TRIM9: variants seen among roughly 807,000 people sequenced by gnomAD.
TRIM9 encodes the protein tripartite motif containing 9, also known as E3 ubiquitin-protein ligase TRIM9.
In TRIM9, 26 loss-of-function variants were observed where a neutral mutation model predicts 78.3. That is an observed-to-expected ratio of 0.33 (90% confidence interval 0.24 to 0.46). The LOEUF (loss-of-function observed/expected upper bound fraction) is 0.46. Ranked by LOEUF, TRIM9 falls within the 20% of genes least tolerant of loss-of-function variation. The probability of loss-of-function intolerance (pLI) is 1.00; values close to 1 mark genes in which losing one functional copy is unlikely to be tolerated. For missense variants in TRIM9, 787 were observed against 1,036.4 expected (o/e 0.76, Z 3.30); for synonymous variants, 398 against 416.5 (o/e 0.96, Z 0.54).
chr14:51,019,349 G>C (rs1442275139), intron 3 of TRIM9, among the ~76,000 whole-genome samples: 5 of 152,198 alleles, frequency 3.3e-5, no homozygotes, highest in Non-Finnish European at 5.9e-5. Context: ...TCTGAAAATA[G>C]ATATTTGGCT....
Position 51,094,199 on chromosome 14 carries a change from G to A in TRIM9, c.741C>T (p.Pro247=), listed in dbSNP as rs189277840. The change falls in exon 1 of 13, where the codon CCC becomes CCT. Residue 247 remains proline, a synonymous_variant. Coordinates refer to ENST00000684578, the MANE Select transcript of TRIM9 (RefSeq NM_001387360.1). ...HSMYCVQCKM[P]VCYQCLEEGK... is the part of the protein sequence containing the mutation. ...CCTCCTCCAAGCACTGGTAGCACAC[G>A]GGCATCTTGCATTGCACGCAGTACA... is the stretch of plus-strand genomic sequence containing the variant. 20 of 1,614,234 alleles carry A rather than the reference G, an allele frequency of 1.2e-5. No individual in the cohort carries two copies. The highest frequency in any genetic ancestry group is 9.3e-5 in the African/African-American group (7 of 75,068).
chr14:51,002,373 A>G (rs1428730707), intron 5 of TRIM9, among the ~76,000 whole-genome samples: 1 of 151,630 alleles, frequency 6.6e-6, no homozygotes, highest in Admixed American at 6.6e-5. Flanking sequence ...TGACCTCATG[A>G]TCCACCTGCC....
chr14:51,066,892 T>A (rs2061790737), intron 1 of TRIM9, among the ~76,000 whole-genome samples: 1 of 152,236 alleles, frequency 6.6e-6, no homozygotes, highest in African/African-American at 2.4e-5. Flanking sequence ...TACAAAAGTA[T>A]ACTCTTAAAT....
chr14:51,072,421 C>T (rs558858815), intron 1 of TRIM9, among the ~76,000 whole-genome samples: 1 of 152,094 alleles, frequency 6.6e-6, no homozygotes, highest in Non-Finnish European at 1.5e-5. Context: ...TAACAGACTG[C>T]ATCCAGGTAT....
At chr14:51,077,965 A>C (rs1242355423) in intron 1 of TRIM9, among the ~76,000 whole-genome samples, 1 of 152,230 alleles carries the variant, frequency 6.6e-6, no homozygotes, top group Non-Finnish European at 1.5e-5. Context: ...TCAAACTAGA[A>C]ATCTCCCTCA....
At chr14:51,005,655 T>C (rs1379281908) in intron 5 of TRIM9, among the ~76,000 whole-genome samples, 1 of 152,138 alleles carries the variant, frequency 6.6e-6, no homozygotes, top group African/African-American at 2.4e-5. Flanking sequence ...AAGTGGAAAA[T>C]GTTTTTTTAA....
At chr14:50,983,681 C>T (rs2052308858) in intron 8 of TRIM9, among the ~76,000 whole-genome samples, 1 of 152,176 alleles carries the variant, frequency 6.6e-6, no homozygotes, top group Non-Finnish European at 1.5e-5. Context: ...TTTTCATCTT[C>T]CAAGTTCAAT....
intron 5 of TRIM9, among the ~76,000 whole-genome samples, chr14:51,002,248 A>G (rs1380047012): frequency 4.7e-5 from 7 of 150,374 alleles, no homozygotes; most frequent in Admixed American, 4.0e-4. Context: ...CAGCCTCCCG[A>G]GTAGCTGGGA....
intron 7 of TRIM9, among the ~76,000 whole-genome samples, chr14:50,992,381 C>G (rs923033349): frequency 6.6e-6 from 1 of 151,434 alleles, no homozygotes; most frequent in Non-Finnish European, 1.5e-5. Flanking sequence ...AGTTTGAGAC[C>G]GGGCTGGGCA....
In TRIM9 at chr14:51,013,226, ATTT is replaced by A. The variant is rs72053355; in HGVS notation, c.1042-2735_1042-2733del. Among the ~76,000 whole-genome samples the A allele has an allele frequency of 6.1e-3, 861 of 140,054 alleles. 3 individuals carry two copies. The highest frequency in any genetic ancestry group is 8.2e-3 in the Non-Finnish European group (524 of 64,222). 91.9% of individuals were successfully genotyped at this position (140,054 alleles called of 152,430 possible). A position where few individuals can be genotyped will look rare whatever the true frequency, so the allele number is the denominator to read the frequency against. On this transcript the variant is annotated intron_variant, in intron 3 of 12. Coordinates refer to ENST00000684578, the MANE Select transcript of TRIM9 (RefSeq NM_001387360.1). ...TGGAGTTAGGTAAGTGTCTAACTTC[ATTT>A]TTTTTTTTTTTTTGCATGTGGATAT... is the stretch of plus-strand genomic sequence containing the variant.
rs137978521 is a variant in TRIM9, at chr14:51,074,247, C to T, written c.822+19871G>A. ...CAGCCTGGGCAACATAGCAAGACTC[C>T]GTCTCTACAAAAAAAAAGTAATGGA... On this transcript the variant is annotated intron_variant, in intron 1 of 12. Coordinates refer to ENST00000684578, the MANE Select transcript of TRIM9 (RefSeq NM_001387360.1). Among the ~76,000 whole-genome samples the T allele has an allele frequency of 7.3e-3, 1,102 of 151,364 alleles. 15 individuals are homozygous for T. The highest frequency in any genetic ancestry group is 0.025 in the African/African-American group (1,044 of 41,202).
intron 2 of TRIM9, among the ~76,000 whole-genome samples, chr14:51,023,652 C>T (rs1304218583): frequency 1.3e-5 from 2 of 152,270 alleles, no homozygotes; most frequent in Admixed American, 6.5e-5. Flanking sequence ...TGATTTAAAT[C>T]TGTACATGCC....
At chr14:51,033,443 G>C (rs538410277) in intron 1 of TRIM9, among the ~76,000 whole-genome samples, 1 of 152,162 alleles carries the variant, frequency 6.6e-6, no homozygotes, top group South Asian at 2.1e-4. Flanking sequence ...CATAAATCAC[G>C]AAAACACTTT....
intron 3 of TRIM9, among the ~76,000 whole-genome samples, chr14:51,017,740 G>A (rs2057351814): frequency 6.6e-6 from 1 of 152,210 alleles, no homozygotes; most frequent in African/African-American, 2.4e-5. Context: ...ACCCATATCT[G>A]GGTTGAAGCA....
At chr14:50,998,573 C>T (rs17123379) in intron 6 of TRIM9, among the ~76,000 whole-genome samples, 10,236 of 152,130 alleles carry the variant, frequency 0.067, 527 homozygotes, top group East Asian at 0.16. Flanking sequence ...GTATATAGCC[C>T]CTACTGAGCT....
intron 1 of TRIM9, among the ~76,000 whole-genome samples, chr14:51,032,420 T>C (rs767913210): frequency 5.3e-5 from 8 of 152,256 alleles, no homozygotes; most frequent in Non-Finnish European, 7.3e-5. Context: ...ACCCTAGGAA[T>C]TGCTCTTGGC....
intron 1 of TRIM9, among the ~76,000 whole-genome samples, chr14:51,035,214 T>C (rs1038466119): frequency 6.6e-6 from 1 of 152,232 alleles, no homozygotes; most frequent in Non-Finnish European, 1.5e-5. Flanking sequence ...CAGGGCTTTT[T>C]TTCTTCTTCT....
chr14:51,070,304 C>T (rs1259040924), intron 1 of TRIM9, among the ~76,000 whole-genome samples: 1 of 152,172 alleles, frequency 6.6e-6, no homozygotes, highest in African/African-American at 2.4e-5. Flanking sequence ...AACAAGGTAT[C>T]TTTAAACAGA....
In TRIM9 at chr14:51,052,215, C is replaced by T. The variant is rs78142823; in HGVS notation, c.823-26855G>A. ...TTAATTATCTCAATATATATTTTTC[C>T]AAAATCATTAATATGGGGGAAAACG... On this transcript the variant is annotated intron_variant, in intron 1 of 12. Coordinates refer to ENST00000684578, the MANE Select transcript of TRIM9 (RefSeq NM_001387360.1). 7.9e-3 allele frequency among the ~76,000 whole-genome samples: 1,199 copies of T among 152,078 alleles called. 27 individuals are homozygous for T. The highest frequency in any genetic ancestry group is 0.027 in the African/African-American group (1,134 of 41,488).
Sources: allele counts gnomAD v4.1 joint callset (sites outside exome capture counted in the v4.1 genomes callset), GRCh38; gene constraint gnomAD v4.1.1; transcripts MANE v1.5; gene names NCBI Gene and HGNC (gene_info 2026-07-23, HGNC 2026-07-21).